TRIM66: variants seen among roughly 807,000 people sequenced by gnomAD.
TRIM66 encodes the protein tripartite motif-containing protein 66.
TRIM66 carries 99 observed loss-of-function variants against 148.2 expected under a neutral mutation model. That is an observed-to-expected ratio of 0.67 (90% CI 0.57 to 0.79). The LOEUF (loss-of-function observed/expected upper bound fraction) is 0.79, where lower values mean the gene tolerates loss of function less well. Ranked by LOEUF, TRIM66 falls within the 30% of genes least tolerant of loss-of-function variation. The pLI, the probability that TRIM66 is intolerant of heterozygous loss-of-function variation, is 0.00. For missense variants in TRIM66, 1,666 were observed against 1,697.9 expected, an observed-to-expected ratio of 0.98 and a Z score of 0.33; for synonymous variants, 616 against 635.9, an observed-to-expected ratio of 0.97 and a Z score of 0.47.
At position 8,671,857 on chromosome 11, in the gene TRIM66, C is replaced by T. The variant is rs896314219; in HGVS notation, c.269G>A (p.Arg90His). 20 of 1,535,452 alleles carry T rather than the reference C, an allele frequency of 1.3e-5. No homozygotes were observed. Among genetic ancestry groups the T allele is most frequent in the East Asian group, 2.4e-5 (1 of 40,902 alleles). The change falls in exon 6 of 25, where the codon CGT becomes CAT. Residue 90 changes from arginine to histidine, a missense_variant. By Grantham distance (29) the Arg-to-His change is conservative. Around this residue, in one of 3 missense-constraint regions of TRIM66, gnomAD observed 1,431 missense variants for 1,412.4 expected, o/e 1.01. Coordinates refer to ENST00000646038, the MANE Select transcript of TRIM66 (RefSeq NM_001388022.1). Reference sequence around the variant, plus strand: ...TATCAAGCCCTGGAAGCAGTCCTTACGGAGCAAATGCTGGCAGGATAGGAG... The same window carrying T: ...TATCAAGCCCTGGAAGCAGTCCTTATGGAGCAAATGCTGGCAGGATAGGAG... ...SHLLSCQHLLRKDCFQGLIQE... is the reference protein window; with the variant it reads ...SHLLSCQHLLHKDCFQGLIQE...
rs1217954064 is a variant in TRIM66, at chr11:8,622,365, C to CATATATAT, written c.3080+443_3080+450dup. On this transcript the variant is annotated intron_variant, in intron 18 of 24. Transcript: ENST00000646038. ...ACACACACACACACACACACACACA[C>CATATATAT]ATATATATATATATATATCTCCTAC... is the stretch of plus-strand genomic sequence containing the variant. 1.0e-4 allele frequency among the ~76,000 whole-genome samples: 6 copies of CATATATAT among 59,570 alleles called. 1 individual carries two copies. Among genetic ancestry groups the CATATATAT allele is most frequent in the Non-Finnish European group, 1.6e-4 (4 of 25,604 alleles). The allele number at this position is 59,570 out of a possible 152,430, so 39.1% of individuals were successfully genotyped here. A position where few individuals can be genotyped will look rare whatever the true frequency, so the allele number is the denominator to read the frequency against.
chr11:8,624,413 G>C lies in TRIM66; in HGVS notation c.2965C>G (p.Leu989Val). ...PINLSVKKPP[L>V]APVVSTSTAL... Reference sequence around the variant, plus strand: ...GTAGACGTGCTGACCACTGGCGCCAGTGGAGGTTTCTTCACAGAGAGGTTA... The same window carrying C: ...GTAGACGTGCTGACCACTGGCGCCACTGGAGGTTTCTTCACAGAGAGGTTA... Residue 989 changes from leucine to valine, a missense_variant, in exon 17 of 25, where the codon CTG becomes GTG. Around this residue, in one of 3 missense-constraint regions of TRIM66, gnomAD observed 1,431 missense variants for 1,412.4 expected, o/e 1.01. Coordinates refer to ENST00000646038, the MANE Select transcript of TRIM66 (RefSeq NM_001388022.1). The C allele has an allele frequency of 6.4e-7, 1 of 1,551,660 alleles. No individual in the cohort carries two copies. Among genetic ancestry groups the C allele is most frequent in the Non-Finnish European group, 8.7e-7 (1 of 1,146,982 alleles).
At chr11:8,680,115 G>A (rs1223483514) in intron 1 of TRIM66, 52 bp from the exon 2 acceptor site, 2 of 152,274 alleles carry the variant, frequency 1.3e-5, no homozygotes, top group Non-Finnish European at 2.9e-5. Context: ...GAAGATTCAG[G>A]ACATGTGGTC....
chr11:8,658,448 C>T (rs553995263), intron 6 of TRIM66, among the ~76,000 whole-genome samples: 1 of 152,272 alleles, frequency 6.6e-6, no homozygotes, highest in African/African-American at 2.4e-5. Flanking sequence ...CTCCATGTTC[C>T]CCAAAATGAC....
At position 8,648,436 on chromosome 11, in the gene TRIM66, C is replaced by G. The variant is rs2037058579; in HGVS notation, c.705G>C (p.Val235=). ...CCCACCTGTGTTCTTTGTGTTCCACCACTAGGCAGCTATGGCAAGTGAGCA... is the reference window on the plus strand; with the variant it reads ...CCCACCTGTGTTCTTTGTGTTCCACGACTAGGCAGCTATGGCAAGTGAGCA... ...CDMLTCHSCL[V]VEHKEHRCRH... is the part of the protein sequence containing the mutation. The change falls in exon 9 of 25, where the codon GTG becomes GTC. Residue 235 remains valine (V), a synonymous_variant. Transcript: ENST00000646038. The G allele has an allele frequency of 6.4e-7, 1 of 1,551,548 alleles. No individual in the cohort carries two copies. The highest frequency in any genetic ancestry group is 8.7e-7 in the Non-Finnish European group (1 of 1,147,010).
rs200781184 is a variant in TRIM66 at position 8,640,295 on chromosome 11, C to T, written c.2080G>A (p.Gly694Arg). Residue 694 changes from glycine (G) to arginine (R), a missense_variant, in exon 14 of 25, where the codon GGG (glycine) becomes AGG (arginine). Transcript: ENST00000646038. ...TGCCTCACGATGTAGTTGATCTGCCCCACAATGGTTTGCTGAAGATGCTGA... is the reference window on the plus strand; with the variant it reads ...TGCCTCACGATGTAGTTGATCTGCCTCACAATGGTTTGCTGAAGATGCTGA... ...SPQHLQQTIV[G>R]QINYIVRQPA... 469 of 1,551,506 alleles carry T rather than the reference C, an allele frequency of 3.0e-4. 4 individuals carry two copies. The highest frequency in any genetic ancestry group is 9.3e-5 in the Non-Finnish European group (107 of 1,147,006).
intron 15 of TRIM66, among the ~76,000 whole-genome samples, chr11:8,629,629 G>A (rs964228212): frequency 6.6e-6 from 1 of 152,194 alleles, no homozygotes; most frequent in Non-Finnish European, 1.5e-5. Context: ...ATAGGGGAGA[G>A]GAAGACATGC....
Position 8,672,255 on chromosome 11 carries a change from C to CA in TRIM66, c.19dup (p.Trp7LeufsTer17). On this transcript the variant is annotated frameshift_variant, in exon 5 of 25. Transcript: ENST00000646038. LOFTEE classifies it high-confidence loss of function. ...TCAGCCTCAGTTCCTCACCTGGGAC[C>CA]AAAAAGAGAGTCTAGCCATCTCTGC... 6.5e-7 allele frequency: 1 copy of CA among 1,536,078 alleles called. No homozygotes were observed. Among genetic ancestry groups the CA allele is most frequent in the Non-Finnish European group, 8.7e-7 (1 of 1,146,906 alleles).
At chr11:8,636,203 C>T (rs138327362) in intron 15 of TRIM66, among the ~76,000 whole-genome samples, 211 of 152,140 alleles carry the variant, frequency 1.4e-3, no homozygotes, top group African/African-American at 4.5e-3. Flanking sequence ...ACAGCTTTAA[C>T]GCATGATTTC....
chr11:8,640,231 A>T lies in TRIM66; in HGVS notation c.2144T>A (p.Leu715Gln). ...PVQSQSQEET[L>Q]QATDEPPASQ... Reference sequence around the variant, plus strand: ...CCAAGCCACCCTGACGCTTACCTGCAGGGTCTCCTCCTGGCTCTGGGACTG... The same window carrying T: ...CCAAGCCACCCTGACGCTTACCTGCTGGGTCTCCTCCTGGCTCTGGGACTG... The change falls in exon 14 of 25, where the codon CTG (leucine) becomes CAG (glutamine). Residue 715 changes from leucine to glutamine, a missense_variant. By Grantham distance (113) the Leu-to-Gln change is moderately radical. Coordinates refer to ENST00000646038, the MANE Select transcript of TRIM66 (RefSeq NM_001388022.1). 1.3e-6 allele frequency: 2 copies of T among 1,550,822 alleles called. No homozygotes were observed. The highest frequency in any genetic ancestry group is 1.7e-6 in the Non-Finnish European group (2 of 1,146,330).
intron 6 of TRIM66, 147 bp from the exon 7 acceptor site, chr11:8,652,050 C>T: frequency 3.1e-6 from 2 of 643,750 alleles, no homozygotes; most frequent in South Asian, 4.1e-5. Flanking sequence ...CCATAGCCTG[C>T]ATTTAGTATG....
At chr11:8,632,821 C>T (rs1838896754) in intron 15 of TRIM66, among the ~76,000 whole-genome samples, 1 of 152,164 alleles carries the variant, frequency 6.6e-6, no homozygotes, top group Non-Finnish European at 1.5e-5. Context: ...GTTCCTCCAT[C>T]TCAAGAGAAA....
chr11:8,656,716 G>A (rs2037858836), intron 6 of TRIM66, among the ~76,000 whole-genome samples: 1 of 152,208 alleles, frequency 6.6e-6, no homozygotes, highest in African/African-American at 2.4e-5. Flanking sequence ...CAGCACCTTA[G>A]AGAGAGCATC....
At chr11:8,677,577 GAGACC>G (rs2039235243) in intron 3 of TRIM66, among the ~76,000 whole-genome samples, 2 of 152,086 alleles carry the variant, frequency 1.3e-5, no homozygotes, top group South Asian at 2.1e-4. Context: ...CTAGCAGTTT[GAGACC>G]AGCCTGGGCA....
chr11:8,619,044 A>G, intron 23 of TRIM66, 76 bp from the exon 24 acceptor site: 3 of 1,343,746 alleles, frequency 2.2e-6, no homozygotes, highest in Non-Finnish European at 3.1e-6. Flanking sequence ...CAAGAGCTAC[A>G]CAGAGCACAA....
chr11:8,627,071 A>G lies in TRIM66; in HGVS notation c.2311-1843T>C, dbSNP rs558965079. On this transcript the variant is annotated intron_variant, in intron 15 of 24. Coordinates refer to ENST00000646038, the MANE Select transcript of TRIM66 (RefSeq NM_001388022.1). ...TAGGTTCCTGCTTTTATGCTCTCAT[A>G]TGCCTTGTACTTGTACTTTCAGCTT... Among the ~76,000 whole-genome samples, 17 of 152,336 alleles carry G rather than the reference A, an allele frequency of 1.1e-4. 1 individual carries two copies. The highest frequency in any genetic ancestry group is 4.1e-4 in the African/African-American group (17 of 41,576).
intron 23 of TRIM66, 134 bp from the exon 24 acceptor site, chr11:8,619,102 T>G: frequency 1.2e-6 from 1 of 867,298 alleles, no homozygotes; most frequent in Non-Finnish European, 1.8e-6. Context: ...ATTTTTCTCC[T>G]AGGACTCAGG....
chr11:8,676,661 T>C (rs2039193271), intron 3 of TRIM66, among the ~76,000 whole-genome samples: 1 of 152,206 alleles, frequency 6.6e-6, no homozygotes, highest in African/African-American at 2.4e-5. Flanking sequence ...AGCCACACAA[T>C]GAGTTTCTGA....
intron 15 of TRIM66, among the ~76,000 whole-genome samples, chr11:8,634,561 T>C (rs1157144444): frequency 2.6e-5 from 4 of 152,216 alleles, no homozygotes; most frequent in Non-Finnish European, 4.4e-5. Context: ...CCAGTTTCAC[T>C]TGAGATGTAA....
Sources: gnomAD v4.1 joint callset for allele counts (sites outside exome capture counted in the v4.1 genomes callset) on GRCh38, gnomAD v4.1.1 for gene constraint, gnomAD v4.1.1 regional missense constraint, MANE v1.5 for transcripts, NCBI Gene and HGNC (gene_info 2026-07-23, HGNC 2026-07-21) for gene names.